The following RELN variants were observed in gnomAD, a reference collection of about 807,000 sequenced individuals.
RELN encodes the protein reelin.
Under a neutral mutation model 427.6 loss-of-function variants are expected in RELN, and 108 were observed. The observed-to-expected ratio is 0.25, with a 90% confidence interval of 0.22 to 0.30. The LOEUF (loss-of-function observed/expected upper bound fraction) is 0.30. Among genes scored for constraint, RELN ranks in the 10% least tolerant of loss-of-function variants. The probability of loss-of-function intolerance (pLI) is 1.00; values close to 1 mark genes in which losing one functional copy is unlikely to be tolerated. For synonymous variants in RELN, 1,524 were observed against 1,513.4 expected, an observed-to-expected ratio of 1.01 and a Z score of -0.16; for missense variants, 3,715 against 4,302.8, an observed-to-expected ratio of 0.86 and a Z score of 3.82.
intron 6 of RELN, among the ~76,000 whole-genome samples, chr7:103,732,992 T>A (rs1028869982): frequency 6.6e-6 from 1 of 152,260 alleles, no homozygotes; most frequent in East Asian, 1.9e-4. Context: ...TCCTTGCCCA[T>A]GCCTATGTCC....
At chr7:103,832,319 T>C (rs959533935) in intron 3 of RELN, among the ~76,000 whole-genome samples, 10 of 152,132 alleles carry the variant, frequency 6.6e-5, no homozygotes, top group Non-Finnish European at 1.3e-4. Flanking sequence ...CTTTACACCA[T>C]TGGATTATTC....
At chr7:103,975,622 T>C (rs1457808142) in intron 1 of RELN, among the ~76,000 whole-genome samples, 1 of 151,478 alleles carries the variant, frequency 6.6e-6, no homozygotes, top group Non-Finnish European at 1.5e-5. Context: ...CTCCGCTCAC[T>C]GCAAGCTCCG....
chr7:103,960,140 C>G (rs1037309487), intron 1 of RELN, among the ~76,000 whole-genome samples: 4 of 152,148 alleles, frequency 2.6e-5, no homozygotes, highest in African/African-American at 9.7e-5. Context: ...TGGCTCAAAA[C>G]CCTTCAAAAT....
intron 1 of RELN, among the ~76,000 whole-genome samples, chr7:103,966,333 C>T (rs1584407092): frequency 6.6e-6 from 1 of 152,196 alleles, no homozygotes; most frequent in East Asian, 1.9e-4. Flanking sequence ...CATTCACACA[C>T]ACCACACTCA....
chr7:103,631,286 CTTTTTTTTTTTTT>C (rs545808640), intron 19 of RELN, among the ~76,000 whole-genome samples: 2 of 77,812 alleles, frequency 2.6e-5, no homozygotes, highest in Non-Finnish European at 4.6e-5. Flanking sequence ...AAAAACACTT[CTTTTTTTTTTTTT>C]TTTTTTTTTT....
chr7:103,527,179 C>T (rs1829840412), intron 46 of RELN, among the ~76,000 whole-genome samples: 1 of 152,206 alleles, frequency 6.6e-6, no homozygotes. Context: ...TTGCTCTTTT[C>T]TTCAGAATGA....
chr7:103,936,139 C>A (rs1280098715), intron 1 of RELN, among the ~76,000 whole-genome samples: 1 of 151,382 alleles, frequency 6.6e-6, no homozygotes, highest in African/African-American at 2.4e-5. Flanking sequence ...GTCACCCAGG[C>A]TGGAGTGCAG....
Position 103,968,846 on chromosome 7 carries a change from G to A in RELN, c.226+20285C>T, listed in dbSNP as rs1796708645. Among the ~76,000 whole-genome samples, 1 of 152,040 alleles carries A rather than the reference G, an allele frequency of 6.6e-6. No homozygotes were observed. On this transcript the variant is annotated intron_variant, in intron 1 of 64. Transcript: ENST00000428762. This position sits in a 1 kb window ranked among gnomAD's most constrained non-coding sequence, Gnocchi z 4.3. The stretch of plus-strand genomic sequence containing the variant: ...AGACAAAACTTCATAATATTTAAAA[G>A]AATTTGTATATGAATTGTCATGGTT...
chr7:103,989,542 C>G lies in RELN; in HGVS notation c.-186G>C. 1 of 488,760 alleles carries G rather than the reference C, an allele frequency of 2.0e-6. No homozygotes were observed. The highest frequency in any genetic ancestry group is 3.3e-6 in the Non-Finnish European group (1 of 302,338). 30.3% of individuals were successfully genotyped at this position (488,760 alleles called of 1,614,324 possible). ...AAGTTCCGCGGGAGACGGCGGCTCC[C>G]AAAGTTACTTTGGGCCGCGGGAGCG... On this transcript the variant is annotated 5_prime_UTR_variant, in exon 1 of 65. Coordinates refer to ENST00000428762, the MANE Select transcript of RELN (RefSeq NM_005045.4). This position sits in a 1 kb window ranked among gnomAD's most constrained non-coding sequence, Gnocchi z 4.9.
intron 4 of RELN, among the ~76,000 whole-genome samples, chr7:103,769,359 G>T (rs935370158): frequency 6.6e-5 from 10 of 152,126 alleles, no homozygotes; most frequent in Admixed American, 6.5e-4. Context: ...CTTCCACCAC[G>T]TGAGGATACA....
intron 41 of RELN, among the ~76,000 whole-genome samples, chr7:103,546,319 G>T (rs114238078): frequency 0.012 from 1,754 of 152,310 alleles, 31 homozygotes; most frequent in African/African-American, 0.04. Context: ...TCATGGTGTA[G>T]CAAGTATCAG....
Position 103,603,556 on chromosome 7 carries a change from C to T in RELN, c.3147-66G>A. 1 of 1,185,312 alleles carries T rather than the reference C, an allele frequency of 8.4e-7. No individual in the cohort carries two copies. The highest frequency in any genetic ancestry group is 1.5e-5 in the African/African-American group (1 of 66,588). The allele number at this position is 1,185,312 out of a possible 1,614,324, so 73.4% of individuals were successfully genotyped here. ...CCTGCCAATGCAATGGCCCTCTGAC[C>T]TCAACCATTTCCCATGTCTTACTTT... is the stretch of plus-strand genomic sequence containing the variant. On this transcript the variant is annotated intron_variant, in intron 23 of 64. Transcript: ENST00000428762. This position sits in a 1 kb window ranked among gnomAD's most constrained non-coding sequence, Gnocchi z 4.3.
At chr7:103,762,902 G>C (rs931958899) in intron 4 of RELN, among the ~76,000 whole-genome samples, 1 of 152,138 alleles carries the variant, frequency 6.6e-6, no homozygotes, top group South Asian at 2.1e-4. Flanking sequence ...GATGACAAAC[G>C]AGGGTAGAAA....
intron 11 of RELN, among the ~76,000 whole-genome samples, chr7:103,678,054 G>A (rs935331440): frequency 5.3e-5 from 8 of 152,100 alleles, no homozygotes; most frequent in Non-Finnish European, 1.2e-4. Flanking sequence ...TCGGGCAGGT[G>A]GGGAAGACTA....
Position 103,569,493 on chromosome 7 carries a change from A to T in RELN, c.4588+2691T>A, listed in dbSNP as rs1830833785. ...GGAATAATTTGTTATGTAGCATACC[A>T]CTCCAATCCTACTAAATCTAAATTT... On this transcript the variant is annotated intron_variant, in intron 31 of 64. Transcript: ENST00000428762. This position sits in a 1 kb window ranked among gnomAD's most constrained non-coding sequence, Gnocchi z 4.0. Among the ~76,000 whole-genome samples, 1 of 152,190 alleles carries T rather than the reference A, an allele frequency of 6.6e-6. No homozygotes were observed. The highest frequency in any genetic ancestry group is 2.1e-4 in the South Asian group (1 of 4,836).
rs529398426 is a variant in RELN, at chr7:103,761,628, T to G, written c.545-8414A>C. Among the ~76,000 whole-genome samples the G allele has an allele frequency of 5.1e-4, 77 of 149,946 alleles. 1 individual carries two copies. Among genetic ancestry groups the G allele is most frequent in the South Asian group, 1.7e-3 (8 of 4,700 alleles). On this transcript the variant is annotated intron_variant, in intron 4 of 64. Transcript: ENST00000428762. ...GCACCAAGACCAGTAAATTTTTTTTTGGGGGGGGGTAGAGACAAGATCTTA... is the reference window on the plus strand; with the variant it reads ...GCACCAAGACCAGTAAATTTTTTTTGGGGGGGGGGTAGAGACAAGATCTTA...
intron 2 of RELN, among the ~76,000 whole-genome samples, chr7:103,899,041 C>G (rs1795023476): frequency 6.6e-6 from 1 of 151,964 alleles, no homozygotes; most frequent in South Asian, 2.1e-4. Context: ...AGATAGACCA[C>G]TAGCCAGACT....
intron 46 of RELN, among the ~76,000 whole-genome samples, chr7:103,525,932 C>G (rs1829813924): frequency 6.6e-6 from 1 of 152,124 alleles, no homozygotes; most frequent in Admixed American, 6.5e-5. Flanking sequence ...GTTGCTGGCA[C>G]CTACAGATGG....
chr7:103,517,058 T>C (rs1262616202), intron 49 of RELN, among the ~76,000 whole-genome samples: 4 of 152,304 alleles, frequency 2.6e-5, no homozygotes, highest in South Asian at 2.1e-4. Context: ...AGTATCAATC[T>C]TAGACCCTCA....
Sources: allele counts gnomAD v4.1 joint callset (sites outside exome capture counted in the v4.1 genomes callset), GRCh38; gene constraint gnomAD v4.1.1; non-coding constraint Gnocchi (gnomAD v3.1); transcripts MANE v1.5; gene names NCBI Gene and HGNC (gene_info 2026-07-23, HGNC 2026-07-21).